Variants in WDFY4 observed in about 807,000 individuals in gnomAD.
WDFY4 encodes WDFY family member 4, also known as WD repeat- and FYVE domain-containing protein 4.
In WDFY4, 169 loss-of-function variants were observed where a neutral mutation model predicts 351.9. The observed-to-expected ratio is 0.48, with a 90% CI of 0.42 to 0.55. The LOEUF is 0.55. Among genes scored for constraint, WDFY4 ranks in the 20% least tolerant of loss-of-function variants. WDFY4 has a pLI of 0.00. For synonymous variants in WDFY4, 1,622 were observed against 1,574.6 expected (o/e 1.03, Z -0.71); for missense variants, 3,803 against 3,935.6 (o/e 0.97, Z 0.90).
At chr10:48,890,874 T>A in intron 44 of WDFY4, 147 bp downstream of exon 44, 2 of 1,189,482 alleles carry the variant, frequency 1.7e-6, no homozygotes, top group Middle Eastern at 2.6e-4. Flanking sequence ...CAGAAGGACC[T>A]GCAGGCATAG....
chr10:48,796,221 G>A, intron 23 of WDFY4, 77 bp from the exon 24 acceptor site: 1 of 1,475,484 alleles, frequency 6.8e-7, no homozygotes, highest in East Asian at 2.5e-5. Context: ...TTTGCAGACT[G>A]GACTGGGACA....
chr10:48,835,873 A>G (rs1342249380), intron 39 of WDFY4, among the ~76,000 whole-genome samples: 1 of 152,254 alleles, frequency 6.6e-6, no homozygotes, highest in African/African-American at 2.4e-5. Flanking sequence ...TTTTAAAATT[A>G]ACTGCATCTT....
intron 34 of WDFY4, 48 bp from the exon 35 acceptor site, chr10:48,822,332 C>T: frequency 6.8e-7 from 1 of 1,481,350 alleles, no homozygotes; most frequent in Non-Finnish European, 9.0e-7. Context: ...TTGTCATGGA[C>T]AGAAGTCCAT....
chr10:48,777,206 T>G (rs1296337346), intron 16 of WDFY4, among the ~76,000 whole-genome samples: 1 of 152,216 alleles, frequency 6.6e-6, no homozygotes. Flanking sequence ...GGCTGCATTC[T>G]GGAACACCCT....
chr10:48,704,180 G>A (rs1255294466), intron 1 of WDFY4, among the ~76,000 whole-genome samples: 1 of 152,060 alleles, frequency 6.6e-6, no homozygotes, highest in Non-Finnish European at 1.5e-5. Context: ...TGGGATCACC[G>A]GGACCATGTG....
At chr10:48,961,208 A>G (rs904190428) in intron 53 of WDFY4, among the ~76,000 whole-genome samples, 1 of 152,236 alleles carries the variant, frequency 6.6e-6, no homozygotes, top group Non-Finnish European at 1.5e-5. Flanking sequence ...ACTCAGTGAT[A>G]GGAGTCATCC....
intron 20 of WDFY4, 49 bp downstream of exon 20, chr10:48,786,919 A>G (rs908864446): frequency 1.3e-6 from 2 of 1,482,178 alleles, no homozygotes; most frequent in Non-Finnish European, 9.2e-7. Context: ...TAGTTTTTAA[A>G]TGGACATCCA....
chr10:48,782,369 C>T (rs1175688185), intron 19 of WDFY4, among the ~76,000 whole-genome samples: 1 of 152,238 alleles, frequency 6.6e-6, no homozygotes, highest in African/African-American at 2.4e-5. Flanking sequence ...CAGGGGCTGA[C>T]ACACAGTAAG....
chr10:48,840,493 TCTCA>T (rs1457452015), intron 39 of WDFY4, among the ~76,000 whole-genome samples: 1 of 150,794 alleles, frequency 6.6e-6, no homozygotes, highest in South Asian at 2.1e-4. Context: ...TTTCTCTCTC[TCTCA>T]CACACACACA....
intron 8 of WDFY4, 136 bp downstream of exon 8, chr10:48,729,725 G>A: frequency 2.5e-6 from 3 of 1,179,532 alleles, no homozygotes; most frequent in South Asian, 3.4e-5. Flanking sequence ...CCTTTGGGGA[G>A]GTTATGAATA....
intron 46 of WDFY4, among the ~76,000 whole-genome samples, chr10:48,900,801 T>G (rs1837313433): frequency 6.6e-6 from 1 of 152,268 alleles, no homozygotes; most frequent in East Asian, 1.9e-4. Context: ...TGGATCAGTT[T>G]AAGAAATCTA....
intron 12 of WDFY4, among the ~76,000 whole-genome samples, chr10:48,752,619 G>A (rs866456391): frequency 2.0e-5 from 3 of 152,224 alleles, no homozygotes; most frequent in African/African-American, 7.2e-5. Flanking sequence ...TGTGTAAATG[G>A]AATCATGTAA....
At chr10:48,821,618 G>C (rs542891740) in intron 34 of WDFY4, among the ~76,000 whole-genome samples, 3 of 152,152 alleles carry the variant, frequency 2.0e-5, no homozygotes, top group Non-Finnish European at 2.9e-5. Flanking sequence ...AAAATTGAAG[G>C]TTCATTCAAA....
At chr10:48,878,063 A>G (rs777490347) in intron 43 of WDFY4, 3 of 152,308 alleles carry the variant, frequency 2.0e-5, no homozygotes, top group Non-Finnish European at 4.4e-5. Context: ...GCTCAGGCTT[A>G]AATGGGCCAA....
At position 48,941,537 on chromosome 10, in the gene WDFY4, C is replaced by T. The variant is rs139704446; in HGVS notation, c.7587-269C>T. On this transcript the variant is annotated intron_variant, in intron 47 of 61. Transcript: ENST00000325239. ...CCCCCAAGCCTGAGGCTGCATGTCC[C>T]CTGGAATTCTTGAGGCAGCAGCTTG... Among the ~76,000 whole-genome samples the T allele has an allele frequency of 9.7e-3, 1,472 of 152,298 alleles. 8 individuals are homozygous for T. Among genetic ancestry groups the T allele is most frequent in the Non-Finnish European group, 0.014 (972 of 68,014 alleles).
chr10:48,871,764 A>G (rs1011325866), intron 40 of WDFY4, among the ~76,000 whole-genome samples: 1 of 152,188 alleles, frequency 6.6e-6, no homozygotes, highest in African/African-American at 2.4e-5. Flanking sequence ...GGCATGCAAT[A>G]CAATGTACAT....
chr10:48,912,587 A>C (rs939595925), intron 47 of WDFY4, among the ~76,000 whole-genome samples: 7 of 152,220 alleles, frequency 4.6e-5, no homozygotes, highest in Non-Finnish European at 7.3e-5. Context: ...AGGCAAGCCA[A>C]GCTTTCCCCA....
rs3081490 is a variant in WDFY4 at position 48,928,353 on chromosome 10, CGTGTGT to C, written c.7587-13414_7587-13409del. ...TGGCCCTTGGAGGCTTTGGTTTTGA[CGTGTGT>C]GTGTGTGTGTGTGTGTGTGTGTGTG... On this transcript the variant is annotated intron_variant, in intron 47 of 61. Transcript: ENST00000325239. Among the ~76,000 whole-genome samples the C allele has an allele frequency of 8.3e-3, 1,043 of 125,026 alleles. 15 individuals carry two copies. Among genetic ancestry groups the C allele is most frequent in the African/African-American group, 0.026 (908 of 34,730 alleles). The allele number at this position is 125,026 out of a possible 152,430, so 82.0% of individuals were successfully genotyped here.
intron 15 of WDFY4, among the ~76,000 whole-genome samples, chr10:48,776,447 A>T (rs1046457483): frequency 6.6e-6 from 1 of 152,140 alleles, no homozygotes; most frequent in African/African-American, 2.4e-5. Context: ...AGTAACTCCA[A>T]TGGGGCAAGC....
Sources: gnomAD v4.1 joint callset for allele counts (sites outside exome capture counted in the v4.1 genomes callset) on GRCh38, gnomAD v4.1.1 for gene constraint, MANE v1.5 for transcripts, NCBI Gene and HGNC (gene_info 2026-07-23, HGNC 2026-07-21) for gene names.